The following DYNC2H1 variants were observed in gnomAD, a reference collection of about 807,000 sequenced individuals.
DYNC2H1 encodes the protein cytoplasmic dynein 2 heavy chain 1.
Under a neutral mutation model 570.0 loss-of-function variants are expected in DYNC2H1, and 410 were observed. That is an observed-to-expected ratio of 0.72 (90% CI 0.66 to 0.78). DYNC2H1 has a LOEUF of 0.78. Among genes scored for constraint, DYNC2H1 ranks in the 30% least tolerant of loss-of-function variants. DYNC2H1 has a pLI of 0.00. For missense variants in DYNC2H1, 4,865 were observed against 5,046.4 expected, an observed-to-expected ratio of 0.96 and a Z score of 1.09; for synonymous variants, 1,688 against 1,677.6, an observed-to-expected ratio of 1.01 and a Z score of -0.15.
At chr11:103,188,339 G>T (rs976887964) in intron 43 of DYNC2H1, among the ~76,000 whole-genome samples, 158 bp from the exon 44 acceptor site, 3 of 151,958 alleles carry the variant, frequency 2.0e-5, no homozygotes, top group Non-Finnish European at 4.4e-5. Flanking sequence ...TTATTTTTCA[G>T]TGATATAATA....
chr11:103,231,388 T>A (rs368435633), intron 60 of DYNC2H1, 42 bp downstream of exon 60: 1 of 1,266,090 alleles, frequency 7.9e-7, no homozygotes, highest in East Asian at 2.4e-5. Flanking sequence ...ATGCTGAGAG[T>A]GTTTACATTT....
intron 70 of DYNC2H1, among the ~76,000 whole-genome samples, chr11:103,267,674 A>G (rs1304199998): frequency 6.6e-6 from 1 of 152,086 alleles, no homozygotes; most frequent in Non-Finnish European, 1.5e-5. Context: ...TTCAAGCTTA[A>G]TGGAACTATA....
intron 18 of DYNC2H1, among the ~76,000 whole-genome samples, chr11:103,147,313 G>A (rs530327772): frequency 1.3e-5 from 2 of 151,932 alleles, no homozygotes; most frequent in South Asian, 2.1e-4. Flanking sequence ...GTGTCTTATC[G>A]TTTTATTGTT....
At chr11:103,381,576 G>A (rs1269038955) in intron 83 of DYNC2H1, among the ~76,000 whole-genome samples, 5 of 152,124 alleles carry the variant, frequency 3.3e-5, no homozygotes, top group South Asian at 4.1e-4. Flanking sequence ...AACCTCCCGC[G>A]TAGCTGGGAT....
rs903314078 is a variant in DYNC2H1 at position 103,333,324 on chromosome 11, C to T, written c.12039+9334C>T. On this transcript the variant is annotated intron_variant, in intron 82 of 88. Coordinates refer to ENST00000375735, the MANE Select transcript of DYNC2H1 (RefSeq NM_001377.3). ...TGTTGCCCAGGCTGGAGTGCAGTGG[C>T]ACAATCTCAGCTCACTGCAAGCTCC... Among the ~76,000 whole-genome samples the T allele has an allele frequency of 2.0e-4, 30 of 152,156 alleles. 1 individual carries two copies. The highest frequency in any genetic ancestry group is 6.8e-4 in the African/African-American group (28 of 41,452).
Position 103,389,937 on chromosome 11 carries a change from T to C in DYNC2H1, c.12157-9726T>C, listed in dbSNP as rs566948221. Among the ~76,000 whole-genome samples the C allele has an allele frequency of 3.8e-4, 58 of 152,292 alleles. No homozygotes were observed. In the South Asian group the frequency reaches 0.012, roughly 31 times the overall value. ...TCCAACTATGTGGTCAATTTTGGAA[T>C]AGGTGTGGTGTGGTGCTGAGAAGAA... On this transcript the variant is annotated intron_variant, in intron 83 of 88. Transcript: ENST00000375735.
At chr11:103,422,196 A>G (rs114470793) in intron 84 of DYNC2H1, among the ~76,000 whole-genome samples, 105 of 152,310 alleles carry the variant, frequency 6.9e-4, no homozygotes, top group African/African-American at 2.5e-3. Context: ...TGAGGCTGTA[A>G]TAAGTAGCCT....
intron 79 of DYNC2H1, among the ~76,000 whole-genome samples, chr11:103,315,642 G>T (rs1006287398): frequency 2.6e-5 from 4 of 151,996 alleles, no homozygotes; most frequent in African/African-American, 9.7e-5. Flanking sequence ...CCATTAGGGT[G>T]ACTTTCCCTC....
At chr11:103,165,609 T>C (rs1320516807) in intron 30 of DYNC2H1, among the ~76,000 whole-genome samples, 1 of 152,152 alleles carries the variant, frequency 6.6e-6, no homozygotes, top group Non-Finnish European at 1.5e-5. Flanking sequence ...GGGAAGAAAA[T>C]ACAAAGGCTT....
chr11:103,135,576 A>C lies in DYNC2H1; in HGVS notation c.2287A>C (p.Met763Leu). 6.2e-7 allele frequency: 1 copy of C among 1,613,306 alleles called. No homozygotes were observed. The change falls in exon 16 of 89, where the codon ATG becomes CTG. Residue 763 changes from methionine to leucine, a missense_variant. Transcript: ENST00000375735. ...LYKALEHQYQ[M>L]GLEALNENLP... ...CAAAGCTCTGGAGCATCAGTACCAGATGGGCTTAGAAGCACTTAATGAGAA... is the reference window on the plus strand; with the variant it reads ...CAAAGCTCTGGAGCATCAGTACCAGCTGGGCTTAGAAGCACTTAATGAGAA...
intron 83 of DYNC2H1, among the ~76,000 whole-genome samples, chr11:103,378,332 T>G (rs951931811): frequency 1.8e-4 from 28 of 152,186 alleles, no homozygotes; most frequent in African/African-American, 6.5e-4. Flanking sequence ...ATATTTTAAG[T>G]TCTCTGCTTT....
intron 79 of DYNC2H1, among the ~76,000 whole-genome samples, chr11:103,313,667 G>T (rs12366065): frequency 0.044 from 6,684 of 152,232 alleles, 183 homozygotes; most frequent in Non-Finnish European, 0.066. Flanking sequence ...AGCGTCAGTT[G>T]CCTCAACTGT....
intron 60 of DYNC2H1, among the ~76,000 whole-genome samples, chr11:103,233,741 C>T (rs1163426322): frequency 6.6e-6 from 1 of 151,184 alleles, no homozygotes; most frequent in African/African-American, 2.4e-5. Flanking sequence ...TAGGACAGTG[C>T]CTTGAATGCC....
rs559467759 is a variant in DYNC2H1, at chr11:103,370,055, C to T, written c.12156+11696C>T. Reference sequence around the variant, plus strand: ...AGGACTTGGCTCTTAGACGGCATTGCTGGACCTGCCCTGGGCCAGAGGTGA... The same window carrying T: ...AGGACTTGGCTCTTAGACGGCATTGTTGGACCTGCCCTGGGCCAGAGGTGA... On this transcript the variant is annotated intron_variant, in intron 83 of 88. Transcript: ENST00000375735. 2.6e-5 allele frequency among the ~76,000 whole-genome samples: 4 copies of T among 152,356 alleles called. No homozygotes were observed. The East Asian group carries it at 7.7e-4, about 29-fold the overall frequency.
chr11:103,245,420 C>T lies in DYNC2H1; in HGVS notation c.10042+46C>T. 6.6e-7 allele frequency: 1 copy of T among 1,517,934 alleles called. No homozygotes were observed. Among genetic ancestry groups the T allele is most frequent in the Non-Finnish European group, 8.8e-7 (1 of 1,134,360 alleles). 94.0% of individuals were successfully genotyped at this position (1,517,934 alleles called of 1,614,324 possible). On this transcript the variant is annotated intron_variant, in intron 65 of 88. Transcript: ENST00000375735. This position sits in a 1 kb window ranked among gnomAD's most constrained non-coding sequence, Gnocchi z 4.5. ...AGAGTGTAAATATTTTTAAAATTTC[C>T]AAAGTAAGTAATTAAACCAGGTGCA...
Position 103,249,192 on chromosome 11 carries a change from C to G in DYNC2H1, c.10042+3818C>G, listed in dbSNP as rs192128741. On this transcript the variant is annotated intron_variant, in intron 65 of 88. Transcript: ENST00000375735. The surrounding 1 kb of genome is among the most constrained non-coding windows in gnomAD (Gnocchi z 4.6). ...AAGAGATGAGACAACACTGAAGAGT[C>G]TTTTTTAGACAATAAAATATTTATT... 2.9e-3 allele frequency among the ~76,000 whole-genome samples: 435 copies of G among 151,906 alleles called. 1 individual carries two copies. The highest frequency in any genetic ancestry group is 4.9e-3 in the Non-Finnish European group (336 of 67,884).
At chr11:103,462,389 C>G (rs61904816) in intron 87 of DYNC2H1, among the ~76,000 whole-genome samples, 1 of 140,594 alleles carries the variant, frequency 7.1e-6, no homozygotes, top group Non-Finnish European at 1.6e-5. Context: ...AAGGCACACA[C>G]GTGTTGTTTT....
chr11:103,323,982 A>T lies in DYNC2H1; in HGVS notation c.12031A>T (p.Ser4011Cys). Residue 4011 changes from serine (S) to cysteine (C), a missense_variant, in exon 82 of 89, where the codon AGT (serine) becomes TGT (cysteine). Coordinates refer to ENST00000375735, the MANE Select transcript of DYNC2H1 (RefSeq NM_001377.3). ...CGCTCGCTCATCTCAGCGCATGATC[A>T]GTTCTCAGGTAACCTAAAAAAAAGA... ...NIARSSQRMI[S>C]SQVISQLRIL... The T allele has an allele frequency of 6.3e-7, 1 of 1,584,858 alleles. No homozygotes were observed. Among genetic ancestry groups the T allele is most frequent in the Non-Finnish European group, 8.6e-7 (1 of 1,169,050 alleles).
chr11:103,111,347 A>C (rs913063729), intron 1 of DYNC2H1, among the ~76,000 whole-genome samples: 2 of 152,234 alleles, frequency 1.3e-5, no homozygotes, highest in Non-Finnish European at 2.9e-5. Flanking sequence ...AGTACTTTAT[A>C]TGTATTCGTT....
Sources: allele counts gnomAD v4.1 joint callset (sites outside exome capture counted in the v4.1 genomes callset), GRCh38; gene constraint gnomAD v4.1.1; non-coding constraint Gnocchi (gnomAD v3.1); transcripts MANE v1.5; gene names NCBI Gene and HGNC (gene_info 2026-07-23, HGNC 2026-07-21).